WDR3: variants seen among roughly 807,000 people sequenced by gnomAD.
WDR3 encodes WD repeat-containing protein 3.
WDR3 carries 81 observed loss-of-function variants against 123.7 expected under a neutral mutation model. The ratio of observed to expected loss-of-function variants is 0.65; its 90% confidence interval spans 0.55 to 0.79. The LOEUF (loss-of-function observed/expected upper bound fraction) is 0.79. Ranked by LOEUF, WDR3 falls within the 30% of genes least tolerant of loss-of-function variation. The probability of loss-of-function intolerance (pLI) is 0.00; values close to 1 mark genes in which losing one functional copy is unlikely to be tolerated. For missense variants in WDR3, 1,027 were observed against 1,123.2 expected (o/e 0.91, Z 1.22); for synonymous variants, 390 against 388.8 (o/e 1.00, Z -0.04).
At chr1:117,941,280 C>T (rs951401881) in intron 8 of WDR3, 55 bp downstream of exon 8, 5 of 1,529,884 alleles carry the variant, frequency 3.3e-6, no homozygotes, top group Admixed American at 1.8e-5. Context: ...CTTCCAAACA[C>T]TCATTCTTTC....
At chr1:117,954,336 C>T (rs1282532056) in intron 22 of WDR3, among the ~76,000 whole-genome samples, 1 of 152,042 alleles carries the variant, frequency 6.6e-6, no homozygotes, top group African/African-American at 2.4e-5. Flanking sequence ...TAGAAACCCA[C>T]GTTCTATGTT....
At position 117,959,639 on chromosome 1, in the gene WDR3, G is replaced by T; in HGVS notation, c.*192G>T. The T allele has an allele frequency of 2.0e-6, 1 of 508,746 alleles. No individual in the cohort carries two copies. The highest frequency in any genetic ancestry group is 3.2e-6 in the Non-Finnish European group (1 of 311,066). 31.5% of individuals were successfully genotyped at this position (508,746 alleles called of 1,614,324 possible). A position where few individuals can be genotyped will look rare whatever the true frequency, so the allele number is the denominator to read the frequency against. ...AGATTATGGGCTGGCTCCATTTCTTGGACTTAAAATGCATTATTAGTTTAA... is the reference window on the plus strand; with the variant it reads ...AGATTATGGGCTGGCTCCATTTCTTTGACTTAAAATGCATTATTAGTTTAA... On this transcript the variant is annotated 3_prime_UTR_variant, in exon 27 of 27. Transcript: ENST00000349139.
Position 117,934,583 on chromosome 1 carries a change from C to T in WDR3, c.282C>T (p.Leu94=), listed in dbSNP as rs768663180. 3.1e-6 allele frequency: 5 copies of T among 1,614,112 alleles called. No individual in the cohort carries two copies. Among genetic ancestry groups the T allele is most frequent in the Non-Finnish European group, 3.4e-6 (4 of 1,180,010 alleles). The change falls in exon 3 of 27, where the codon CTC becomes CTT. Residue 94 remains leucine, a synonymous_variant. Coordinates refer to ENST00000349139, the MANE Select transcript of WDR3 (RefSeq NM_006784.3). ...YEDGSIRIFS[L]LSGEGNVTFN... is the part of the protein sequence containing the mutation. ...ATGGGTCGATCCGAATCTTCAGTCTCCTGAGTGGGGAAGGAAATGTGACCT... is the reference window on the plus strand; with the variant it reads ...ATGGGTCGATCCGAATCTTCAGTCTTCTGAGTGGGGAAGGAAATGTGACCT...
At chr1:117,950,420 G>A (rs866681985) in intron 15 of WDR3, among the ~76,000 whole-genome samples, 2 of 152,098 alleles carry the variant, frequency 1.3e-5, no homozygotes, top group African/African-American at 4.8e-5. Flanking sequence ...AGGTGTCCTG[G>A]GCAGTGATTT....
intron 9 of WDR3, 38 bp downstream of exon 9, chr1:117,941,885 C>G (rs369891311): frequency 1.2e-4 from 188 of 1,551,424 alleles, no homozygotes; most frequent in East Asian, 3.0e-4. Flanking sequence ...AATGAAGTAT[C>G]CTGGGTAGGC....
intron 20 of WDR3, 46 bp downstream of exon 20, chr1:117,953,042 A>G (rs1439635322): frequency 1.3e-6 from 2 of 1,589,144 alleles, no homozygotes; most frequent in Admixed American, 1.8e-5. Context: ...ATATATAGTT[A>G]TCTTATTGAA....
chr1:117,934,776 A>G (rs1460261814), intron 3 of WDR3, 94 bp downstream of exon 3: 43 of 1,267,944 alleles, frequency 3.4e-5, no homozygotes, highest in Non-Finnish European at 4.2e-5. Context: ...AGGTAAAACA[A>G]TGGGCTGTCA....
In WDR3 at chr1:117,953,524, A is replaced by G. The variant is rs778578083; in HGVS notation, c.2251A>G (p.Ile751Val). The G allele has an allele frequency of 5.0e-6, 8 of 1,612,774 alleles. No homozygotes were observed. The highest frequency in any genetic ancestry group is 2.2e-5 in the East Asian group (1 of 44,812). The change falls in exon 21 of 27, where the codon ATT becomes GTT. Residue 751 changes from isoleucine to valine, a missense_variant. Physicochemically the swap from Ile to Val is conservative, Grantham distance 29. Transcript: ENST00000349139. ...CAGTTACTTTACTGGAAAGAAAACT[A>G]TTGAAACAGTGAAAGCAGTAAGTTG... ...GDSYFTGKKT[I>V]ETVKAAERIM...
intron 23 of WDR3, chr1:117,954,958 T>C (rs537008792): frequency 5.2e-6 from 2 of 385,390 alleles, no homozygotes; most frequent in Non-Finnish European, 9.2e-6. Flanking sequence ...TTGACAGAAA[T>C]CAGTCTGATG....
At chr1:117,935,787 CTG>C (rs1022837343) in intron 3 of WDR3, among the ~76,000 whole-genome samples, 6 of 151,856 alleles carry the variant, frequency 4.0e-5, no homozygotes, top group African/African-American at 1.2e-4. Context: ...AAAAAGGAAA[CTG>C]TTGGTAGATT....
In WDR3 at chr1:117,950,882, A is replaced by C. The variant is rs1299948291; in HGVS notation, c.1795A>C (p.Ile599Leu). 4.4e-6 allele frequency: 7 copies of C among 1,608,430 alleles called. No individual in the cohort carries two copies. The highest frequency in any genetic ancestry group is 5.9e-6 in the Non-Finnish European group (7 of 1,178,406). ...CAAACTGCCTGTTATATGCATGGAC[A>C]TCTCTCATGTAAGTAGTTTAAATAG... ...GHKLPVICMD[I>L]SHDGALIATG... is the part of the protein sequence containing the mutation. Residue 599 changes from isoleucine (I) to leucine (L), a missense_variant, in exon 16 of 27, where the codon ATC (isoleucine) becomes CTC (leucine). Ile to Leu is a conservative substitution (Grantham distance 5). Coordinates refer to ENST00000349139, the MANE Select transcript of WDR3 (RefSeq NM_006784.3).
chr1:117,959,245 A>G, intron 26 of WDR3, 47 bp from the exon 27 acceptor site: 3 of 1,588,710 alleles, frequency 1.9e-6, no homozygotes, highest in African/African-American at 2.7e-5. Flanking sequence ...GCTATAATGA[A>G]TTGAAGTGGG....
In WDR3 at chr1:117,966,054, G is replaced by A. The variant is rs1264510233; in HGVS notation, c.*6607G>A. 1.3e-5 allele frequency: 2 copies of A among 152,164 alleles called. No homozygotes were observed. Among genetic ancestry groups the A allele is most frequent in the Non-Finnish European group, 2.9e-5 (2 of 68,034 alleles). The allele number at this position is 152,164 out of a possible 1,614,324, so 9.4% of individuals were successfully genotyped here. A position where few individuals can be genotyped will look rare whatever the true frequency, so the allele number is the denominator to read the frequency against. Reference sequence around the variant, plus strand: ...GCAGCACACAATTCATGCCACTGGAGAAAGTACAAAATAGAAATAAAATGT... The same window carrying A: ...GCAGCACACAATTCATGCCACTGGAAAAAGTACAAAATAGAAATAAAATGT... On this transcript the variant is annotated 3_prime_UTR_variant, in exon 27 of 27. Coordinates refer to ENST00000349139, the MANE Select transcript of WDR3 (RefSeq NM_006784.3).
intron 1 of WDR3, among the ~76,000 whole-genome samples, chr1:117,932,155 T>C (rs1053315948): frequency 6.6e-6 from 1 of 152,252 alleles, no homozygotes; most frequent in Admixed American, 6.5e-5. Context: ...GTCCCTTTTA[T>C]AAATAACCAG....
At chr1:117,948,347 G>T in intron 12 of WDR3, 58 bp from the exon 13 acceptor site, 1 of 1,479,594 alleles carries the variant, frequency 6.8e-7, no homozygotes, top group Non-Finnish European at 9.4e-7. Context: ...GTGCAGTCAT[G>T]AATCATGGAG....
chr1:117,954,049 A>C lies in WDR3; in HGVS notation c.2311A>C (p.Thr771Pro), dbSNP rs1363832857. The C allele has an allele frequency of 6.2e-7, 1 of 1,612,668 alleles. No homozygotes were observed. The highest frequency in any genetic ancestry group is 8.5e-7 in the Non-Finnish European group (1 of 1,178,984). ...GGCTATTGAGTTGTACCGAGAAGAAACTGCAAAAATGAAGGAACACAAAGC... is the reference window on the plus strand; with the variant it reads ...GGCTATTGAGTTGTACCGAGAAGAACCTGCAAAAATGAAGGAACACAAAGC... ...MEAIELYREE[T>P]AKMKEHKAIC... Residue 771 changes from threonine (T) to proline (P), a missense_variant, in exon 22 of 27, where the codon ACT becomes CCT. Coordinates refer to ENST00000349139, the MANE Select transcript of WDR3 (RefSeq NM_006784.3).
intron 25 of WDR3, among the ~76,000 whole-genome samples, chr1:117,957,605 GC>G (rs1557830290): frequency 2.6e-5 from 4 of 152,140 alleles, no homozygotes; most frequent in African/African-American, 9.6e-5. Context: ...CCAGCCTGTG[GC>G]CCGCAGGCCA....
At position 117,934,660 on chromosome 1, in the gene WDR3, G is replaced by A. The variant is rs756383447; in HGVS notation, c.359G>A (p.Gly120Asp). The A allele has an allele frequency of 6.2e-7, 1 of 1,613,498 alleles. No homozygotes were observed. Among genetic ancestry groups the A allele is most frequent in the Middle Eastern group, 1.8e-4 (1 of 5,674 alleles). ...ITTLKYDQLG[G>D]RLASGSKDTD... The stretch of plus-strand genomic sequence containing the variant: ...ACCTTGAAGTATGATCAGCTAGGAG[G>A]CAGACTGGCATCTGGGTCCAAGGTG... The change falls in exon 3 of 27, where the codon GGC (glycine) becomes GAC (aspartate). Residue 120 changes from glycine (G) to aspartate (D), a missense_variant. Transcript: ENST00000349139.
At chr1:117,946,940 C>CAAAA (rs55743091) in intron 12 of WDR3, among the ~76,000 whole-genome samples, 3 of 77,358 alleles carry the variant, frequency 3.9e-5, no homozygotes, top group African/African-American at 5.4e-5. Flanking sequence ...GACTCCATCT[C>CAAAA]AAAAAAAAAA....
Sources: allele counts gnomAD v4.1 joint callset (sites outside exome capture counted in the v4.1 genomes callset), GRCh38; gene constraint gnomAD v4.1.1; transcripts MANE v1.5; gene names NCBI Gene and HGNC (gene_info 2026-07-23, HGNC 2026-07-21).